Variants in AIF1L observed in about 807,000 individuals in gnomAD.
AIF1L encodes allograft inflammatory factor 1-like.
AIF1L carries 12 observed loss-of-function variants against 20.7 expected under a neutral mutation model. The observed-to-expected ratio is 0.58, with a 90% CI of 0.37 to 0.94. AIF1L has a LOEUF of 0.94. AIF1L is among the 40% of genes least tolerant of loss of function. AIF1L has a pLI of 0.01. For missense variants in AIF1L, 173 were observed against 185.3 expected, an observed-to-expected ratio of 0.93 and a Z score of 0.39; for synonymous variants, 76 against 65.1, an observed-to-expected ratio of 1.17 and a Z score of -0.81.
chr9:131,096,766 AC>A (rs1234186952), intron 1 of AIF1L, 35 bp from the exon 2 acceptor site: 10 of 1,512,202 alleles, frequency 6.6e-6, no homozygotes, highest in African/African-American at 1.4e-5. Flanking sequence ...CCCGAAGAGG[AC>A]CCCGCTTCCC....
intron 3 of AIF1L, chr9:131,111,946 G>A: frequency 2.1e-6 from 1 of 466,450 alleles, no homozygotes; most frequent in Non-Finnish European, 3.9e-6. Context: ...GCTCAGGCTG[G>A]TTCCCGTCCG....
chr9:131,106,109 G>C, intron 2 of AIF1L: 1 of 1,465,832 alleles, frequency 6.8e-7, no homozygotes, highest in South Asian at 1.2e-5. Context: ...TCTACGATAT[G>C]CTGGGCACTT....
chr9:131,111,825 G>A, intron 3 of AIF1L, 162 bp downstream of exon 3: 1 of 705,272 alleles, frequency 1.4e-6, no homozygotes, highest in Non-Finnish European at 2.3e-6. Flanking sequence ...GACCCCCTGA[G>A]AGGTGGGGAG....
At chr9:131,119,759 G>T (rs1206862715) in intron 5 of AIF1L, among the ~76,000 whole-genome samples, 1 of 152,204 alleles carries the variant, frequency 6.6e-6, no homozygotes, top group Non-Finnish European at 1.5e-5. Context: ...ACCCGGCTGG[G>T]AAGTAGCAGG....
At chr9:131,100,125 C>T (rs908321225) in intron 2 of AIF1L, among the ~76,000 whole-genome samples, 10 of 152,142 alleles carry the variant, frequency 6.6e-5, no homozygotes, top group Non-Finnish European at 1.3e-4. Context: ...TCATTGCAGC[C>T]TCTACCTCCC....
intron 3 of AIF1L, 137 bp from the exon 4 acceptor site, chr9:131,114,440 G>A (rs888851035): frequency 1.8e-5 from 17 of 942,914 alleles, no homozygotes; most frequent in Middle Eastern, 2.3e-4. Flanking sequence ...GGGGACTCAG[G>A]TCAAGACCCT....
rs547027734 is a variant in AIF1L at position 131,110,008 on chromosome 9, G to A, written c.94-1589G>A. ...GCAGATCACTTGAGTCCAGGAGTTT[G>A]GGACCAGCCTGGGCAACAGAGTGAA... is the stretch of plus-strand genomic sequence containing the variant. On this transcript the variant is annotated intron_variant, in intron 2 of 5. Transcript: ENST00000247291. 1.8e-3 allele frequency among the ~76,000 whole-genome samples: 278 copies of A among 152,214 alleles called. 1 individual carries two copies. The highest frequency in any genetic ancestry group is 6.3e-3 in the African/African-American group (263 of 41,536).
intron 3 of AIF1L, among the ~76,000 whole-genome samples, chr9:131,113,319 G>A (rs1176697473): frequency 1.3e-5 from 2 of 151,882 alleles, no homozygotes; most frequent in Non-Finnish European, 2.9e-5. Flanking sequence ...CCAACATGGC[G>A]AAACCCCATC....
chr9:131,111,358 G>A (rs989664212), intron 2 of AIF1L: 47 of 458,204 alleles, frequency 1.0e-4, no homozygotes, highest in South Asian at 6.2e-4. Flanking sequence ...GGAGGGCTTA[G>A]TCACCCGTAG....
chr9:131,120,659 A>C lies in AIF1L; in HGVS notation c.*337A>C, dbSNP rs1045791501. Reference sequence around the variant, plus strand: ...TCACTTGGAGGAACCAGCACTCTCCATCCTTTCAGAAAGTCTCCAAGCCAA... The same window carrying C: ...TCACTTGGAGGAACCAGCACTCTCCCTCCTTTCAGAAAGTCTCCAAGCCAA... On this transcript the variant is annotated 3_prime_UTR_variant, in exon 6 of 6. Coordinates refer to ENST00000247291, the MANE Select transcript of AIF1L (RefSeq NM_031426.4). 3 of 305,770 alleles carry C rather than the reference A, an allele frequency of 9.8e-6. No homozygotes were observed. In the Admixed American group the frequency reaches 1.4e-4, roughly 15 times the overall value. The allele number at this position is 305,770 out of a possible 1,614,324, so 18.9% of individuals were successfully genotyped here. A position where few individuals can be genotyped will look rare whatever the true frequency, so the allele number is the denominator to read the frequency against.
intron 3 of AIF1L, among the ~76,000 whole-genome samples, chr9:131,112,924 G>A (rs1324310153): frequency 6.6e-6 from 1 of 152,132 alleles, no homozygotes; most frequent in Non-Finnish European, 1.5e-5. Context: ...TCACTGGAAT[G>A]TTGGGCCAGA....
chr9:131,114,504 A>G lies in AIF1L; in HGVS notation c.161-73A>G, dbSNP rs1055055881. 1.8e-5 allele frequency: 28 copies of G among 1,553,600 alleles called. No homozygotes were observed. In the Admixed American group the frequency reaches 4.7e-4, roughly 26 times the overall value. On this transcript the variant is annotated intron_variant, in intron 3 of 5. Transcript: ENST00000247291. ...CCTGAGGACACGGTCATTTGCCCAC[A>G]AGGGAGCCACTGGGTCCCCACAGGG...
At chr9:131,107,028 A>T (rs939897759) in intron 2 of AIF1L, among the ~76,000 whole-genome samples, 15 of 151,996 alleles carry the variant, frequency 9.9e-5, no homozygotes, top group Non-Finnish European at 2.1e-4. Context: ...GGGAGGGGGA[A>T]GTTGCAGTGA....
intron 2 of AIF1L, among the ~76,000 whole-genome samples, chr9:131,099,728 GC>G (rs1830596905): frequency 7.8e-6 from 1 of 127,522 alleles, no homozygotes; most frequent in South Asian, 2.6e-4. Context: ...CTCAGCCTTA[GC>G]TTTTTTTTTT....
At position 131,121,440 on chromosome 9, in the gene AIF1L, G is replaced by C. The variant is rs919593743; in HGVS notation, c.*1118G>C. 3.6e-5 allele frequency: 10 copies of C among 277,246 alleles called. No homozygotes were observed. Among genetic ancestry groups the C allele is most frequent in the Non-Finnish European group, 6.1e-5 (9 of 148,502 alleles). The allele number at this position is 277,246 out of a possible 1,614,324, so 17.2% of individuals were successfully genotyped here. On this transcript the variant is annotated 3_prime_UTR_variant, in exon 6 of 6. Coordinates refer to ENST00000247291, the MANE Select transcript of AIF1L (RefSeq NM_031426.4). The stretch of plus-strand genomic sequence containing the variant: ...CTTGGGAATTGAACTGGGGTCACCT[G>C]TGTCCTTTCTTATGGACTCGCAGGA...
At chr9:131,111,854 C>A (rs940142881) in intron 3 of AIF1L, 191 bp downstream of exon 3, 3 of 523,836 alleles carry the variant, frequency 5.7e-6, no homozygotes, top group Non-Finnish European at 1.0e-5. Context: ...CCACCTGCCT[C>A]CCTGCCCCTG....
intron 2 of AIF1L, among the ~76,000 whole-genome samples, chr9:131,101,030 T>G (rs1830629371): frequency 6.6e-6 from 1 of 152,122 alleles, no homozygotes; most frequent in Admixed American, 6.5e-5. Context: ...CCCAAGTAGC[T>G]GGAACTATAG....
intron 2 of AIF1L, among the ~76,000 whole-genome samples, chr9:131,101,327 C>A (rs56384240): frequency 6.6e-6 from 1 of 152,048 alleles, no homozygotes; most frequent in African/African-American, 2.4e-5. Flanking sequence ...CTGCAGACAG[C>A]CCCATGGGAT....
At chr9:131,102,005 C>T (rs896364393) in intron 2 of AIF1L, among the ~76,000 whole-genome samples, 1 of 152,126 alleles carries the variant, frequency 6.6e-6, no homozygotes, top group Non-Finnish European at 1.5e-5. Flanking sequence ...CAACCTCTGC[C>T]ACCCAAGTTC....
Sources: allele counts gnomAD v4.1 joint callset (sites outside exome capture counted in the v4.1 genomes callset), GRCh38; gene constraint gnomAD v4.1.1; transcripts MANE v1.5; gene names NCBI Gene and HGNC (gene_info 2026-07-23, HGNC 2026-07-21).